TFB1M: variants seen among roughly 807,000 people sequenced by gnomAD.
TFB1M encodes the protein transcription factor B1, mitochondrial.
Under a neutral mutation model 31.1 loss-of-function variants are expected in TFB1M, and 27 were observed. The ratio of observed to expected loss-of-function variants is 0.87; its 90% confidence interval spans 0.64 to 1.20. The LOEUF (loss-of-function observed/expected upper bound fraction) is 1.20, where lower values mean the gene tolerates loss of function less well. TFB1M is among the 50% of genes most tolerant of loss of function. The pLI is 0.00. For synonymous variants in TFB1M, 166 were observed against 151.8 expected, an observed-to-expected ratio of 1.09 and a Z score of -0.69; for missense variants, 394 against 418.7, an observed-to-expected ratio of 0.94 and a Z score of 0.51.
rs1000291402 is a variant in TFB1M, at chr6:155,256,996, A to G, written c.*840T>C. 4.3e-6 allele frequency: 7 copies of G among 1,614,208 alleles called. No individual in the cohort carries two copies. Among genetic ancestry groups the G allele is most frequent in the Non-Finnish European group, 5.9e-6 (7 of 1,180,032 alleles). On this transcript the variant is annotated 3_prime_UTR_variant, in exon 7 of 7. Transcript: ENST00000367166. Reference sequence around the variant, plus strand: ...GCAGATCCGTCACCAGTCCCTTGACAGTCAGTCTGAAAATGCCACCATCGA... The same window carrying G: ...GCAGATCCGTCACCAGTCCCTTGACGGTCAGTCTGAAAATGCCACCATCGA...
Position 155,256,288 on chromosome 6 carries a change from A to C in TFB1M, c.*1548T>G, listed in dbSNP as rs1202952574. 1.1e-4 allele frequency: 83 copies of C among 744,782 alleles called. No homozygotes were observed. In the East Asian group the frequency reaches 2.2e-3, roughly 20 times the overall value. The allele number at this position is 744,782 out of a possible 1,614,324, so 46.1% of individuals were successfully genotyped here. ...CTAAAAATGCTGAATTGCCTAACTT[A>C]CAACTGTAAACCTAAGTCAAAAATG... On this transcript the variant is annotated 3_prime_UTR_variant, in exon 7 of 7. Transcript: ENST00000367166.
chr6:155,252,263 G>A (rs1029461458), downstream of TFB1M, among the ~76,000 whole-genome samples: 2 of 152,156 alleles, frequency 1.3e-5, no homozygotes, highest in African/African-American at 4.8e-5. Flanking sequence ...CTTGAGCCCA[G>A]GAATTTGAGA....
intron 4 of TFB1M, among the ~76,000 whole-genome samples, chr6:155,290,412 A>AAAAGAATG (rs1776863162): frequency 6.6e-6 from 1 of 150,986 alleles, no homozygotes; most frequent in South Asian, 2.1e-4. Context: ...AAAAAAAAAG[A>AAAAGAATG]AAAGAATGGA....
chr6:155,254,412 C>A (rs1331213), downstream of TFB1M: 57 of 1,609,736 alleles, frequency 3.5e-5, no homozygotes, highest in South Asian at 5.5e-5. Context: ...TCTCCCCCCC[C>A]ACCCAGTGAC....
chr6:155,247,629 C>T, the TFB1M span, among the ~76,000 whole-genome samples: 10 of 152,360 alleles, frequency 6.6e-5, no homozygotes, highest in East Asian at 1.9e-4. Flanking sequence ...CACCTGGCCA[C>T]GCTTCATGGC....
At chr6:155,278,960 T>A (rs1340187617) in intron 5 of TFB1M, among the ~76,000 whole-genome samples, 1 of 152,056 alleles carries the variant, frequency 6.6e-6, no homozygotes, top group Non-Finnish European at 1.5e-5. Context: ...CAGGGGACAT[T>A]CGGCAATGCT....
the TFB1M span, chr6:155,251,051 T>G: frequency 1.4e-4 from 218 of 1,590,776 alleles, no homozygotes; most frequent in Non-Finnish European, 1.1e-5. Flanking sequence ...GAATGCAGAC[T>G]GAACAGAGGC....
At chr6:155,291,495 T>C (rs1776922581) in intron 4 of TFB1M, among the ~76,000 whole-genome samples, 1 of 152,026 alleles carries the variant, frequency 6.6e-6, no homozygotes, top group South Asian at 2.1e-4. Flanking sequence ...CATCTCAGGG[T>C]TCCTAACAAA....
At chr6:155,244,637 C>A in the TFB1M span, 6 of 1,612,010 alleles carry the variant, frequency 3.7e-6, no homozygotes, top group Non-Finnish European at 5.1e-6. Flanking sequence ...CCCCTCATTT[C>A]AAATCCTGAT....
At chr6:155,260,190 A>G in intron 6 of TFB1M, 83 bp downstream of exon 6, 2 of 1,444,528 alleles carry the variant, frequency 1.4e-6, no homozygotes, top group Non-Finnish European at 1.9e-6. Flanking sequence ...CTTTAAGAAT[A>G]GAGCAAACAA....
At chr6:155,301,099 C>T (rs1391163405) in intron 2 of TFB1M, among the ~76,000 whole-genome samples, 2 of 152,134 alleles carry the variant, frequency 1.3e-5, no homozygotes, top group Admixed American at 1.3e-4. Context: ...GCCACCATAC[C>T]CAGCTCCTTT....
intron 5 of TFB1M, among the ~76,000 whole-genome samples, chr6:155,271,928 C>T (rs1784937803): frequency 6.6e-6 from 1 of 152,170 alleles, no homozygotes; most frequent in Admixed American, 6.5e-5. Context: ...CCCTTCCCCG[C>T]CTCTCCTTTC....
At chr6:155,270,822 C>T (rs987007954) in intron 5 of TFB1M, among the ~76,000 whole-genome samples, 25 of 152,170 alleles carry the variant, frequency 1.6e-4, no homozygotes, top group African/African-American at 5.8e-4. Flanking sequence ...GGATGCAGCA[C>T]TAATGACACT....
intron 5 of TFB1M, among the ~76,000 whole-genome samples, chr6:155,261,688 C>T (rs1163064529): frequency 3.9e-5 from 6 of 152,024 alleles, no homozygotes; most frequent in Non-Finnish European, 8.8e-5. Context: ...CCTATTTAAA[C>T]AATCAATGAG....
intron 5 of TFB1M, among the ~76,000 whole-genome samples, chr6:155,271,926 C>T (rs567231762): frequency 1.3e-5 from 2 of 152,148 alleles, no homozygotes; most frequent in East Asian, 1.9e-4. Context: ...CTCCCTTCCC[C>T]GCCTCTCCTT....
At chr6:155,307,764 C>T (rs768600850) in intron 2 of TFB1M, among the ~76,000 whole-genome samples, 1 of 152,048 alleles carries the variant, frequency 6.6e-6, no homozygotes, top group Non-Finnish European at 1.5e-5. Flanking sequence ...TCCTGGGCCA[C>T]ACATAAAATA....
At chr6:155,244,961 ATT>A in the TFB1M span, 15 of 721,368 alleles carry the variant, frequency 2.1e-5, no homozygotes, top group Non-Finnish European at 2.6e-5. Flanking sequence ...GGCTGTATAT[ATT>A]TTTTTTTCCT....
the TFB1M span, chr6:155,244,674 G>T: frequency 6.2e-7 from 1 of 1,613,436 alleles, no homozygotes; most frequent in South Asian, 1.1e-5. Flanking sequence ...TCACTTTTTG[G>T]AAGTTTGCCA....
chr6:155,252,093 G>C, downstream of TFB1M: 2 of 1,030,392 alleles, frequency 1.9e-6, no homozygotes, highest in Non-Finnish European at 1.5e-6. Context: ...TGAGCACCAA[G>C]GCTGGGCTGA....
Sources: gnomAD v4.1 joint callset for allele counts (sites outside exome capture counted in the v4.1 genomes callset) on GRCh38, gnomAD v4.1.1 for gene constraint, MANE v1.5 for transcripts, NCBI Gene and HGNC (gene_info 2026-07-23, HGNC 2026-07-21) for gene names.